Variants in MGAT4D observed in about 807,000 individuals in gnomAD.
MGAT4D encodes MGAT4 family member D, also known as alpha-1,3-mannosyl-glycoprotein 4-beta-N-acetylglucosaminyltransferase-like protein MGAT4D.
A neutral mutation model predicts 15.9 loss-of-function variants in MGAT4D; 34 were observed. The observed-to-expected ratio is 2.14, with a 90% CI of 1.62 to 2.84. The LOEUF is 2.84. Among genes scored for constraint, MGAT4D ranks in the 30% most tolerant of loss-of-function variants. MGAT4D has a pLI of 0.00. For missense variants in MGAT4D, 327 were observed against 140.2 expected, an observed-to-expected ratio of 2.33 and a Z score of -6.73; for synonymous variants, 112 against 48.2, an observed-to-expected ratio of 2.33 and a Z score of -5.49.
intron 2 of MGAT4D, among the ~76,000 whole-genome samples, chr4:140,480,146 T>C (rs1732603845): frequency 6.6e-6 from 1 of 152,116 alleles, no homozygotes; most frequent in Non-Finnish European, 1.5e-5. Context: ...AAAAAAGATA[T>C]ATAAACAATG....
chr4:140,444,898 T>TG (rs397734508), intron 10 of MGAT4D, among the ~76,000 whole-genome samples: 6 of 151,664 alleles, frequency 4.0e-5, no homozygotes, highest in Non-Finnish European at 8.8e-5. Context: ...TTTTTTTTTT[T>TG]GATATGGAGT....
chr4:140,457,081 T>G (rs1489430876), intron 8 of MGAT4D: 1 of 152,738 alleles, frequency 6.5e-6, no homozygotes, highest in Non-Finnish European at 1.5e-5. Flanking sequence ...TTTTACCTGA[T>G]TTTTGTAGCA....
At chr4:140,482,532 C>A (rs1407939572) in intron 1 of MGAT4D, 47 bp from the exon 2 acceptor site, 8 of 562,120 alleles carry the variant, frequency 1.4e-5, no homozygotes, top group African/African-American at 3.9e-5. Context: ...GCAATGGTGT[C>A]ACACAATTTT....
intron 1 of MGAT4D, among the ~76,000 whole-genome samples, chr4:140,487,156 A>T (rs558636902): frequency 4.9e-4 from 75 of 152,346 alleles, no homozygotes; most frequent in African/African-American, 1.5e-3. Flanking sequence ...TCATTCATCA[A>T]TATTCTATTT....
rs897748972 is a variant in MGAT4D, at chr4:140,456,538, A to G, written c.1008+51T>C. ...AACAAATTTTAGGTAATTACGTTGG[A>G]TAGATAATATTTTTCCTAAAATATT... On this transcript the variant is annotated intron_variant, in intron 9 of 10. Transcript: ENST00000511113. 7.4e-6 allele frequency: 4 copies of G among 542,854 alleles called. No homozygotes were observed. In the Admixed American group the frequency reaches 1.0e-4, roughly 14 times the overall value. The allele number at this position is 542,854 out of a possible 1,614,324, so 33.6% of individuals were successfully genotyped here.
Position 140,459,516 on chromosome 4 carries a change from G to T in MGAT4D, c.873C>A (p.Phe291Leu). ...CAAAGTAAATCCATTGCTTACCTAT[G>T]AATCCAAGCATTGAAAACTCAATAA... is the stretch of plus-strand genomic sequence containing the variant. Reference protein sequence around the residue: ...WFFIEFSMLGFIGKLFRSEDL... With the variant: ...WFFIEFSMLGLIGKLFRSEDL... Residue 291 changes from phenylalanine (F) to leucine (L), a missense_variant, in exon 8 of 11, where the codon TTC becomes TTA. Physicochemically the swap from Phe to Leu is conservative, Grantham distance 22. Coordinates refer to ENST00000511113, the MANE Select transcript of MGAT4D (RefSeq NM_001277353.2). 2.1e-6 allele frequency: 1 copy of T among 476,978 alleles called. No individual in the cohort carries two copies. The highest frequency in any genetic ancestry group is 3.7e-6 in the Non-Finnish European group (1 of 270,188). The allele number at this position is 476,978 out of a possible 1,614,324, so 29.5% of individuals were successfully genotyped here.
chr4:140,465,102 CATA>C (rs1450256402), intron 5 of MGAT4D, 93 bp from the exon 6 acceptor site: 2 of 581,060 alleles, frequency 3.4e-6, no homozygotes, highest in East Asian at 2.8e-5. Flanking sequence ...TGCATGGCCA[CATA>C]ATATTTGATT....
rs929249893 is a variant in MGAT4D at position 140,442,875 on chromosome 4, A to C, written c.*561T>G. On this transcript the variant is annotated 3_prime_UTR_variant, in exon 11 of 11. Transcript: ENST00000511113. ...AAGGCAATGATGAGAGAAACTATGA[A>C]ATCTTTAGAACTAAATGACTATAAG... 2 of 152,156 alleles carry C rather than the reference A, an allele frequency of 1.3e-5. No homozygotes were observed. Among genetic ancestry groups the C allele is most frequent in the Non-Finnish European group, 2.9e-5 (2 of 68,004 alleles). 9.4% of individuals were successfully genotyped at this position (152,156 alleles called of 1,614,324 possible).
chr4:140,448,010 T>G (rs192686762), intron 10 of MGAT4D, among the ~76,000 whole-genome samples: 90 of 152,316 alleles, frequency 5.9e-4, no homozygotes, highest in African/African-American at 2.1e-3. Context: ...ATATTTTTTC[T>G]TTTAGAATGT....
Position 140,474,852 on chromosome 4 carries a change from G to A in MGAT4D, c.486C>T (p.Ser162=), listed in dbSNP as rs1249297092. 1 of 697,356 alleles carries A rather than the reference G, an allele frequency of 1.4e-6. No individual in the cohort carries two copies. Among genetic ancestry groups the A allele is most frequent in the South Asian group, 1.5e-5 (1 of 66,360 alleles). The allele number at this position is 697,356 out of a possible 1,614,324, so 43.2% of individuals were successfully genotyped here. A position where few individuals can be genotyped will look rare whatever the true frequency, so the allele number is the denominator to read the frequency against. The part of the protein sequence containing the change: ...LTSVVSRMTL[S]QEKDSVVIVL... The stretch of plus-strand genomic sequence containing the variant: ...CAATCACTACAGAATCCTTCTCTTG[G>A]GAGAGCGTCATCCTGGAGACAACAG... Residue 162 remains serine (S), a synonymous_variant, in exon 4 of 11, where the codon TCC becomes TCT. Coordinates refer to ENST00000511113, the MANE Select transcript of MGAT4D (RefSeq NM_001277353.2).
intron 7 of MGAT4D, among the ~76,000 whole-genome samples, chr4:140,460,864 A>G (rs1438124677): frequency 1.3e-5 from 2 of 152,166 alleles, no homozygotes; most frequent in South Asian, 2.1e-4. Context: ...AGATGCAAAC[A>G]TTCAGACCAT....
At chr4:140,471,080 C>T (rs188653506) in intron 5 of MGAT4D, among the ~76,000 whole-genome samples, 30 of 151,946 alleles carry the variant, frequency 2.0e-4, no homozygotes, top group Admixed American at 1.2e-3. Context: ...TCAGTAGAGA[C>T]GGGGTTTGGC....
At chr4:140,452,835 G>C (rs566185545) in intron 9 of MGAT4D, among the ~76,000 whole-genome samples, 1 of 152,162 alleles carries the variant, frequency 6.6e-6, no homozygotes, top group South Asian at 2.1e-4. Context: ...CCTAGGTCCT[G>C]AACATTTTTT....
intron 1 of MGAT4D, among the ~76,000 whole-genome samples, chr4:140,488,706 A>G (rs1733306858): frequency 1.3e-5 from 2 of 152,208 alleles, no homozygotes; most frequent in African/African-American, 4.8e-5. Flanking sequence ...TATAGTTTGA[A>G]TATCTATCCC....
intron 10 of MGAT4D, among the ~76,000 whole-genome samples, chr4:140,445,629 C>T (rs766517074): frequency 1.3e-5 from 2 of 151,992 alleles, no homozygotes; most frequent in Non-Finnish European, 2.9e-5. Context: ...ATGGTATTTC[C>T]TAGGTTATCT....
chr4:140,463,150 C>T (rs904869751), intron 6 of MGAT4D, among the ~76,000 whole-genome samples: 5 of 152,056 alleles, frequency 3.3e-5, no homozygotes, highest in Non-Finnish European at 7.4e-5. Flanking sequence ...TAAAAGTAGA[C>T]GAAGCAGTGG....
rs796091367 is a variant in MGAT4D, at chr4:140,454,736, T to C, written c.1008+1853A>G. Among the ~76,000 whole-genome samples, 22 of 152,288 alleles carry C rather than the reference T, an allele frequency of 1.4e-4. No homozygotes were observed. In the South Asian group the frequency reaches 4.6e-3, roughly 32 times the overall value. On this transcript the variant is annotated intron_variant, in intron 9 of 10. Transcript: ENST00000511113. Reference sequence around the variant, plus strand: ...AACCCTTTGGACATGGAAATTTCCTTTTCAGGATTTAAAAATAATAATTTA... The same window carrying C: ...AACCCTTTGGACATGGAAATTTCCTCTTCAGGATTTAAAAATAATAATTTA...
chr4:140,476,672 C>T (rs1388315082), intron 3 of MGAT4D, among the ~76,000 whole-genome samples: 2 of 152,100 alleles, frequency 1.3e-5, no homozygotes, highest in African/African-American at 2.4e-5. Flanking sequence ...TTCGAATTGA[C>T]CAAATACCAC....
chr4:140,456,696 A>G lies in MGAT4D; in HGVS notation c.901T>C (p.Leu301=). 1.4e-6 allele frequency: 1 copy of G among 694,142 alleles called. No individual in the cohort carries two copies. The highest frequency in any genetic ancestry group is 2.6e-6 in the Non-Finnish European group (1 of 380,890). 43.0% of individuals were successfully genotyped at this position (694,142 alleles called of 1,614,324 possible). The change falls in exon 9 of 11, where the codon TTA becomes CTA. Residue 301 remains leucine (L), a synonymous_variant. Coordinates refer to ENST00000511113, the MANE Select transcript of MGAT4D (RefSeq NM_001277353.2). Reference sequence around the variant, plus strand: ...AAAAAAAACCGTACAAAGTGAGTTAAGTCCTCAGATCTAAACAGCTTTCCT... The same window carrying G: ...AAAAAAAACCGTACAAAGTGAGTTAGGTCCTCAGATCTAAACAGCTTTCCT... The part of the protein sequence containing the change: ...FIGKLFRSED[L]THFVRFFLMF...
Sources: allele counts gnomAD v4.1 joint callset (sites outside exome capture counted in the v4.1 genomes callset), GRCh38; gene constraint gnomAD v4.1.1; transcripts MANE v1.5; gene names NCBI Gene and HGNC (gene_info 2026-07-23, HGNC 2026-07-21).